The following FDPS variants were observed in gnomAD, a reference collection of about 807,000 sequenced individuals.
FDPS encodes farnesyl diphosphate synthase, also known as farnesyl pyrophosphate synthase.
Under a neutral mutation model 49.5 loss-of-function variants are expected in FDPS, and 29 were observed. That is an observed-to-expected ratio of 0.59 (90% CI 0.44 to 0.80). The LOEUF is 0.80. FDPS is among the 30% of genes least tolerant of loss of function. The pLI is 0.00. For synonymous variants in FDPS, 172 were observed against 206.4 expected, an observed-to-expected ratio of 0.83 and a Z score of 1.43; for missense variants, 414 against 525.6, an observed-to-expected ratio of 0.79 and a Z score of 2.08.
intron 10 of FDPS, chr1:155,320,184 A>G: frequency 1.6e-6 from 1 of 641,550 alleles, no homozygotes. Flanking sequence ...CAATAGTGCC[A>G]AGGTGGAGAA....
chr1:155,318,307 G>A lies in FDPS; in HGVS notation c.684+16G>A, dbSNP rs200044457. ...CTTCCTGCAGGTGTATTGCAGACAG[G>A]GCCCGATGCCCAGAGGGTGCCCATG... is the stretch of plus-strand genomic sequence containing the variant. On this transcript the variant is annotated intron_variant, in intron 6 of 10. Transcript: ENST00000368356. The surrounding 1 kb of genome is among the most constrained non-coding windows in gnomAD (Gnocchi z 4.2). 14 of 1,608,048 alleles carry A rather than the reference G, an allele frequency of 8.7e-6. No homozygotes were observed. The South Asian group carries it at 1.4e-4, about 16-fold the overall frequency.
intron 10 of FDPS, 62 bp downstream of exon 10, chr1:155,319,990 A>T: frequency 6.3e-7 from 1 of 1,575,216 alleles, no homozygotes; most frequent in Non-Finnish European, 8.7e-7. Flanking sequence ...GTGGTTCTCA[A>T]CTAGAGGCAG....
intron 4 of FDPS, among the ~76,000 whole-genome samples, chr1:155,315,430 A>G (rs1649239717): frequency 6.6e-6 from 1 of 152,222 alleles, no homozygotes. Context: ...CTGTAATCCC[A>G]GCACTTTGGG....
Position 155,315,494 on chromosome 1 carries a change from A to G in FDPS, c.481-2447A>G, listed in dbSNP as rs531814914. On this transcript the variant is annotated intron_variant, in intron 4 of 10. Coordinates refer to ENST00000368356, the MANE Select transcript of FDPS (RefSeq NM_002004.4). ...GGAGATCGAGACCATCCTGGCTAAC[A>G]TGGTGAAACCCCGTCTCTACTAAGA... Among the ~76,000 whole-genome samples, 6 of 152,264 alleles carry G rather than the reference A, an allele frequency of 3.9e-5. No individual in the cohort carries two copies. In the East Asian group the frequency reaches 1.2e-3, roughly 29 times the overall value.
Position 155,318,851 on chromosome 1 carries a change from C to T in FDPS, c.774-5C>T. The T allele has an allele frequency of 2.5e-6, 4 of 1,611,686 alleles. No individual in the cohort carries two copies. The highest frequency in any genetic ancestry group is 1.7e-5 in the Admixed American group (1 of 60,014). On this transcript the variant is annotated splice_polypyrimidine_tract_variant and splice_region_variant and intron_variant, in intron 7 of 10. Coordinates refer to ENST00000368356, the MANE Select transcript of FDPS (RefSeq NM_002004.4). The surrounding 1 kb of genome is among the most constrained non-coding windows in gnomAD (Gnocchi z 4.2). The stretch of plus-strand genomic sequence containing the variant: ...CTGAGGAGTTTCTCTTCTCCCCTTA[C>T]TCAGGTACAAATCTATTGTCAAGTA...
chr1:155,312,550 G>T, intron 4 of FDPS, 155 bp downstream of exon 4: 1 of 748,672 alleles, frequency 1.3e-6, no homozygotes, highest in South Asian at 1.8e-5. Flanking sequence ...TCACTCCAAG[G>T]GTTAACTAAT....
At chr1:155,319,196 A>G (rs1649919293) in intron 8 of FDPS, among the ~76,000 whole-genome samples, 1 of 152,220 alleles carries the variant, frequency 6.6e-6, no homozygotes, top group Non-Finnish European at 1.5e-5. Flanking sequence ...AGGAGTGTGG[A>G]GATCATCCAG....
At chr1:155,317,487 A>C (rs1199207875) in intron 4 of FDPS, 1 of 159,330 alleles carries the variant, frequency 6.3e-6, no homozygotes, top group Non-Finnish European at 1.4e-5. Flanking sequence ...TCTCCATAGC[A>C]CAGAAGTCTT....
intron 4 of FDPS, 172 bp downstream of exon 4, chr1:155,312,567 A>T (rs889044978): frequency 3.0e-6 from 2 of 674,798 alleles, no homozygotes; most frequent in Non-Finnish European, 5.0e-6. Flanking sequence ...TAATGTGGGG[A>T]GCCTCTTTTG....
intron 4 of FDPS, chr1:155,312,788 T>C (rs999947931): frequency 4.7e-5 from 8 of 170,088 alleles, no homozygotes; most frequent in Non-Finnish European, 1.0e-4. Context: ...GAGACCAGCC[T>C]GACCAACATG....
At chr1:155,319,760 T>G in intron 9 of FDPS, 34 bp from the exon 10 acceptor site, 1 of 1,614,098 alleles carries the variant, frequency 6.2e-7, no homozygotes, top group Middle Eastern at 1.7e-4. Context: ...AACCTCATCC[T>G]TCCTCTTTTG....
At chr1:155,320,098 G>GC (rs1650142788) in intron 10 of FDPS, 170 bp downstream of exon 10, 4 of 783,506 alleles carry the variant, frequency 5.1e-6, no homozygotes, top group Non-Finnish European at 8.2e-6. Context: ...CATCTAGTTG[G>GC]CAGGAGCCAA....
Position 155,318,037 on chromosome 1 carries a change from A to G in FDPS, c.561+16A>G. 6.2e-7 allele frequency: 1 copy of G among 1,613,858 alleles called. No homozygotes were observed. Among genetic ancestry groups the G allele is most frequent in the East Asian group, 2.2e-5 (1 of 44,878 alleles). ...GTATCAGAAGGTAATGTGGGCAGGA[A>G]AATAGCAGTGGGTATGGGGACAGGC... is the stretch of plus-strand genomic sequence containing the variant. On this transcript the variant is annotated intron_variant, in intron 5 of 10. Coordinates refer to ENST00000368356, the MANE Select transcript of FDPS (RefSeq NM_002004.4). This position sits in a 1 kb window ranked among gnomAD's most constrained non-coding sequence, Gnocchi z 4.2.
At chr1:155,317,900 A>G in intron 4 of FDPS, 41 bp from the exon 5 acceptor site, 1 of 1,556,634 alleles carries the variant, frequency 6.4e-7, no homozygotes. Context: ...TAGAAGGAAC[A>G]GTAATGAGGA....
chr1:155,318,597 G>A lies in FDPS; in HGVS notation c.685-68G>A. On this transcript the variant is annotated intron_variant, in intron 6 of 10. Coordinates refer to ENST00000368356, the MANE Select transcript of FDPS (RefSeq NM_002004.4). The surrounding 1 kb of genome is among the most constrained non-coding windows in gnomAD (Gnocchi z 4.2). The stretch of plus-strand genomic sequence containing the variant: ...GTTGTCAGCTGGTATGGGATGTTGG[G>A]CTTGGGATACCAGGGTTTCGCATAT... The A allele has an allele frequency of 2.4e-6, 3 of 1,244,842 alleles. No individual in the cohort carries two copies. Among genetic ancestry groups the A allele is most frequent in the Non-Finnish European group, 3.5e-6 (3 of 848,078 alleles). The allele number at this position is 1,244,842 out of a possible 1,614,324, so 77.1% of individuals were successfully genotyped here.
intron 4 of FDPS, among the ~76,000 whole-genome samples, chr1:155,314,779 GT>G (rs766090794): frequency 2.8e-3 from 404 of 143,846 alleles, no homozygotes; most frequent in Middle Eastern, 3.7e-3. Context: ...CCTGGCCTGG[GT>G]TTTTTTTTTT....
chr1:155,320,625 G>A lies in FDPS; in HGVS notation c.*16G>A, dbSNP rs1650288146. 10 of 1,613,276 alleles carry A rather than the reference G, an allele frequency of 6.2e-6. No homozygotes were observed. The highest frequency in any genetic ancestry group is 8.5e-6 in the Non-Finnish European group (10 of 1,179,236). On this transcript the variant is annotated 3_prime_UTR_variant, in exon 11 of 11. Coordinates refer to ENST00000368356, the MANE Select transcript of FDPS (RefSeq NM_002004.4). ...GAGAAAGTGACCTAGAGATTGCAAG[G>A]GCGGGGAGAGGAGGCTCTCAATAAA... is the stretch of plus-strand genomic sequence containing the variant.
intron 4 of FDPS, 75 bp downstream of exon 4, chr1:155,312,470 C>T (rs1648901143): frequency 6.8e-7 from 1 of 1,470,270 alleles, no homozygotes; most frequent in South Asian, 1.2e-5. Flanking sequence ...AGGGATGGGC[C>T]TGAAACTTAT....
Position 155,317,738 on chromosome 1 carries a change from G to A in FDPS, c.481-203G>A, listed in dbSNP as rs1297564507. 3 of 536,150 alleles carry A rather than the reference G, an allele frequency of 5.6e-6. No individual in the cohort carries two copies. The African/African-American group carries it at 5.7e-5, about 10-fold the overall frequency. 33.2% of individuals were successfully genotyped at this position (536,150 alleles called of 1,614,324 possible). ...ATGTGCCTATGGTCTCAGGAACTCA[G>A]GAAGCTGAAGTGGGAGGATCACTTG... On this transcript the variant is annotated intron_variant, in intron 4 of 10. Coordinates refer to ENST00000368356, the MANE Select transcript of FDPS (RefSeq NM_002004.4).
Sources: allele counts gnomAD v4.1 joint callset (sites outside exome capture counted in the v4.1 genomes callset), GRCh38; gene constraint gnomAD v4.1.1; non-coding constraint Gnocchi (gnomAD v3.1); transcripts MANE v1.5; gene names NCBI Gene and HGNC (gene_info 2026-07-23, HGNC 2026-07-21).